The following MYO18B variants were observed in gnomAD, a reference collection of about 807,000 sequenced individuals.
MYO18B encodes unconventional myosin-XVIIIb.
A neutral mutation model predicts 273.0 loss-of-function variants in MYO18B; 204 were observed. The observed-to-expected ratio is 0.75, with a 90% CI of 0.67 to 0.84. The LOEUF (loss-of-function observed/expected upper bound fraction) is 0.84, where lower values mean the gene tolerates loss of function less well. Among genes scored for constraint, MYO18B ranks in the 40% least tolerant of loss-of-function variants. The probability of loss-of-function intolerance (pLI) is 0.00; values close to 1 mark genes in which losing one functional copy is unlikely to be tolerated. For missense variants in MYO18B, 3,212 were observed against 3,287.6 expected, an observed-to-expected ratio of 0.98 and a Z score of 0.56; for synonymous variants, 1,330 against 1,305.7, an observed-to-expected ratio of 1.02 and a Z score of -0.40.
intron 34 of MYO18B, among the ~76,000 whole-genome samples, chr22:25,934,569 C>T (rs1259712801): frequency 2.0e-5 from 3 of 152,064 alleles, no homozygotes; most frequent in Admixed American, 6.6e-5. Context: ...CCAAGGTGGT[C>T]GGGGCACAGC....
intron 12 of MYO18B, among the ~76,000 whole-genome samples, chr22:25,810,513 G>A (rs761362008): frequency 3.5e-5 from 5 of 144,040 alleles, no homozygotes; most frequent in Non-Finnish European, 6.0e-5. Context: ...GGCTCACTGC[G>A]ACCTCTGCCT....
In MYO18B at chr22:25,874,226, C is replaced by CCCT. The variant is rs1555920021; in HGVS notation, c.3952-58_3952-57insTCC. 2.5e-6 allele frequency: 4 copies of CCCT among 1,601,526 alleles called. No individual in the cohort carries two copies. The African/African-American group carries it at 5.4e-5, about 21-fold the overall frequency. On this transcript the variant is annotated intron_variant, in intron 22 of 43. Coordinates refer to ENST00000335473, the MANE Select transcript of MYO18B (RefSeq NM_032608.7). ...AAGTGGGGTCTGATTTGCAAGCACC[C>CCCT]CCCCATTGTAGACAGCCTTCTTCAG...
chr22:25,871,230 G>T (rs562993290), intron 22 of MYO18B, among the ~76,000 whole-genome samples: 2 of 152,304 alleles, frequency 1.3e-5, no homozygotes, highest in South Asian at 2.1e-4. Context: ...TGAATCTTCA[G>T]TGACTGGTTT....
At chr22:25,809,922 T>C (rs2088659613) in intron 12 of MYO18B, among the ~76,000 whole-genome samples, 1 of 151,648 alleles carries the variant, frequency 6.6e-6, no homozygotes, top group Non-Finnish European at 1.5e-5. Context: ...AGTCTTATTT[T>C]AAAGCAATCA....
intron 12 of MYO18B, among the ~76,000 whole-genome samples, chr22:25,810,229 C>A (rs1290681315): frequency 6.6e-6 from 1 of 151,118 alleles, no homozygotes; most frequent in Non-Finnish European, 1.5e-5. Context: ...TCCCAAGTAG[C>A]TGGGACTACA....
rs115063172 is a variant in MYO18B at position 25,842,277 on chromosome 22, C to T, written c.3209-1458C>T. ...AGGATTTGAGGGGAAGACTCAGGAC[C>T]CTAGTGCATGCAAGTACGTTGGCAA... On this transcript the variant is annotated intron_variant, in intron 17 of 43. Coordinates refer to ENST00000335473, the MANE Select transcript of MYO18B (RefSeq NM_032608.7). 4.7e-3 allele frequency among the ~76,000 whole-genome samples: 709 copies of T among 152,254 alleles called. 8 individuals carry two copies. Among genetic ancestry groups the T allele is most frequent in the African/African-American group, 0.016 (651 of 41,542 alleles).
intron 28 of MYO18B, 74 bp downstream of exon 28, chr22:25,895,354 C>T (rs1373230214): frequency 1.6e-5 from 24 of 1,516,102 alleles, no homozygotes; most frequent in South Asian, 7.4e-5. Context: ...TGTGGGTGAT[C>T]GAGGTATTAG....
chr22:25,780,373 C>T (rs1476339991), intron 9 of MYO18B, among the ~76,000 whole-genome samples, 175 bp downstream of exon 9: 1 of 151,830 alleles, frequency 6.6e-6, no homozygotes, highest in Non-Finnish European at 1.5e-5. Context: ...GGTGGATCAC[C>T]TGAGGTCTGG....
the MYO18B span, among the ~76,000 whole-genome samples, chr22:26,052,792 G>T: frequency 1.3e-5 from 2 of 150,788 alleles, no homozygotes; most frequent in African/African-American, 4.9e-5. Flanking sequence ...TATGAATTGG[G>T]TGGTTTTTTT....
intron 42 of MYO18B, among the ~76,000 whole-genome samples, chr22:26,015,644 C>T (rs1935262687): frequency 2.0e-5 from 3 of 151,936 alleles, no homozygotes; most frequent in Non-Finnish European, 4.4e-5. Flanking sequence ...ACACTGGGGC[C>T]TATCAGAAGG....
intron 12 of MYO18B, among the ~76,000 whole-genome samples, chr22:25,814,096 C>A (rs2088886990): frequency 6.6e-6 from 1 of 152,032 alleles, no homozygotes; most frequent in Non-Finnish European, 1.5e-5. Flanking sequence ...AGACGGAGCT[C>A]ACTGGTAGTC....
intron 25 of MYO18B, among the ~76,000 whole-genome samples, chr22:25,889,245 C>T (rs183984943): frequency 6.6e-6 from 1 of 152,158 alleles, no homozygotes; most frequent in Non-Finnish European, 1.5e-5. Flanking sequence ...AATTTTGAGC[C>T]TGCCTAAGCT....
At position 25,743,526 on chromosome 22, in the gene MYO18B, G is replaced by A. The variant is rs572306631; in HGVS notation, c.-110+1233G>A. On this transcript the variant is annotated intron_variant, in intron 1 of 43. Transcript: ENST00000335473. Reference sequence around the variant, plus strand: ...GAGAAGGAGGAGGAGGAAAAAAGCAGGAGGAGAAAGAGAAGAAGGAGGAGA... The same window carrying A: ...GAGAAGGAGGAGGAGGAAAAAAGCAAGAGGAGAAAGAGAAGAAGGAGGAGA... Among the ~76,000 whole-genome samples, 7 of 151,928 alleles carry A rather than the reference G, an allele frequency of 4.6e-5. No homozygotes were observed. The South Asian group carries it at 1.0e-3, about 23-fold the overall frequency.
Position 25,935,909 on chromosome 22 carries a change from A to C in MYO18B, c.5518-10228A>C, listed in dbSNP as rs140943827. Among the ~76,000 whole-genome samples, 301 of 152,332 alleles carry C rather than the reference A, an allele frequency of 2.0e-3. 1 individual carries two copies. Among genetic ancestry groups the C allele is most frequent in the South Asian group, 0.018 (89 of 4,834 alleles). ...CTTCCCAAGGATGCATGCAGTGCAG[A>C]CAGGCTACAGAGTCAGGCAGTCCTG... On this transcript the variant is annotated intron_variant, in intron 34 of 43. Transcript: ENST00000335473.
intron 40 of MYO18B, among the ~76,000 whole-genome samples, chr22:26,002,314 T>C (rs1178919310): frequency 6.6e-6 from 1 of 152,224 alleles, no homozygotes; most frequent in Non-Finnish European, 1.5e-5. Flanking sequence ...TTCTGTTGGA[T>C]TCACCAAGCA....
chr22:25,868,863 C>T (rs900358405), intron 22 of MYO18B, among the ~76,000 whole-genome samples: 8 of 152,196 alleles, frequency 5.3e-5, no homozygotes, highest in African/African-American at 1.9e-4. Flanking sequence ...ATAGCTTTTC[C>T]CAAACTGGTG....
chr22:25,843,505 G>A (rs543410787), intron 17 of MYO18B, among the ~76,000 whole-genome samples: 151 of 152,322 alleles, frequency 9.9e-4, no homozygotes, highest in Non-Finnish European at 1.6e-3. Context: ...TACGGATGAT[G>A]TTTGGGAAAA....
intron 12 of MYO18B, among the ~76,000 whole-genome samples, chr22:25,821,222 A>G (rs767962618): frequency 6.6e-6 from 1 of 152,024 alleles, no homozygotes; most frequent in South Asian, 2.1e-4. Context: ...AGTTCTATCT[A>G]TAGTTTTTTG....
At position 25,937,086 on chromosome 22, in the gene MYO18B, ATT is replaced by A. The variant is rs34738004; in HGVS notation, c.5518-9041_5518-9040del. 5.8e-4 allele frequency among the ~76,000 whole-genome samples: 87 copies of A among 149,750 alleles called. 1 individual carries two copies. The South Asian group carries it at 0.018, about 30-fold the overall frequency. ...GATAGAAAAATAAATATTCAGGAAG[ATT>A]TTTTTTTTTGAGACAGAATCTTGCT... On this transcript the variant is annotated intron_variant, in intron 34 of 43. Coordinates refer to ENST00000335473, the MANE Select transcript of MYO18B (RefSeq NM_032608.7).
Sources: allele counts gnomAD v4.1 joint callset (sites outside exome capture counted in the v4.1 genomes callset), GRCh38; gene constraint gnomAD v4.1.1; transcripts MANE v1.5; gene names NCBI Gene and HGNC (gene_info 2026-07-23, HGNC 2026-07-21).